The following SHANK2 variants were observed in gnomAD, a reference collection of about 807,000 sequenced individuals.
SHANK2 encodes the protein SH3 and multiple ankyrin repeat domains 2.
In SHANK2, 43 loss-of-function variants were observed where a neutral mutation model predicts 133.7. That is an observed-to-expected ratio of 0.32 (90% CI 0.25 to 0.41). SHANK2 has a LOEUF of 0.41. Ranked by LOEUF, SHANK2 falls within the 10% of genes least tolerant of loss-of-function variation. The probability of loss-of-function intolerance (pLI) is 1.00; values close to 1 mark genes in which losing one functional copy is unlikely to be tolerated. For synonymous variants in SHANK2, 1,017 were observed against 952.8 expected, an observed-to-expected ratio of 1.07 and a Z score of -1.24; for missense variants, 1,994 against 2,235.8, an observed-to-expected ratio of 0.89 and a Z score of 2.18.
intron 10 of SHANK2, among the ~76,000 whole-genome samples, chr11:70,946,463 A>G (rs1262818786): frequency 7.1e-6 from 1 of 140,280 alleles, no homozygotes; most frequent in African/African-American, 2.7e-5. Context: ...CCTCTCCACT[A>G]ACCAACTCTT....
chr11:70,938,334 G>A (rs1347770048), intron 10 of SHANK2, among the ~76,000 whole-genome samples: 1 of 152,054 alleles, frequency 6.6e-6, no homozygotes, highest in African/African-American at 2.4e-5. Flanking sequence ...AGCAAACGAA[G>A]GTAGAACCAC....
At chr11:70,850,088 C>T (rs549938682) in intron 11 of SHANK2, among the ~76,000 whole-genome samples, 1 of 152,142 alleles carries the variant, frequency 6.6e-6, no homozygotes, top group South Asian at 2.1e-4. Context: ...ATGAGTAGAC[C>T]AGTACAGGAT....
chr11:70,718,514 G>T (rs1167709140), intron 14 of SHANK2, among the ~76,000 whole-genome samples: 1 of 152,186 alleles, frequency 6.6e-6, no homozygotes, highest in African/African-American at 2.4e-5. Flanking sequence ...CCATCTGCAA[G>T]GTCACGGCCA....
intron 11 of SHANK2, among the ~76,000 whole-genome samples, chr11:70,856,035 A>G (rs1949165062): frequency 6.6e-6 from 1 of 151,132 alleles, no homozygotes; most frequent in Non-Finnish European, 1.5e-5. Context: ...TGATGGATGG[A>G]TGGATAAATG....
intron 14 of SHANK2, among the ~76,000 whole-genome samples, chr11:70,759,481 CAAAAACA>C (rs1340661602): frequency 1.3e-5 from 2 of 152,090 alleles, no homozygotes; most frequent in Non-Finnish European, 2.9e-5. Context: ...GACTCCATCT[CAAAAACA>C]AAAAACAAAA....
intron 17 of SHANK2, among the ~76,000 whole-genome samples, chr11:70,561,429 T>G (rs1348256291): frequency 6.6e-6 from 1 of 152,008 alleles, no homozygotes; most frequent in Non-Finnish European, 1.5e-5. Context: ...ATCGATTTTC[T>G]CGACGTTGCC....
At position 70,866,517 on chromosome 11, in the gene SHANK2, G is replaced by A. The variant is rs572975519; in HGVS notation, c.1174+29984C>T. Among the ~76,000 whole-genome samples, 4 of 152,300 alleles carry A rather than the reference G, an allele frequency of 2.6e-5. No homozygotes were observed. The East Asian group carries it at 7.7e-4, about 29-fold the overall frequency. ...AGAAGGAGTCCAAGTGTTCTTTTGTGTTGATGTTCCGGAAACTCAAAATTG... is the reference window on the plus strand; with the variant it reads ...AGAAGGAGTCCAAGTGTTCTTTTGTATTGATGTTCCGGAAACTCAAAATTG... On this transcript the variant is annotated intron_variant, in intron 11 of 25. Transcript: ENST00000601538.
At chr11:70,766,303 C>G (rs1342250744) in intron 14 of SHANK2, among the ~76,000 whole-genome samples, 1 of 152,246 alleles carries the variant, frequency 6.6e-6, no homozygotes, top group Non-Finnish European at 1.5e-5. Flanking sequence ...CTGCTGCCCT[C>G]TGTCTTCTTT....
In SHANK2 at chr11:70,472,778, C is replaced by T. The variant is rs2058611994; in HGVS notation, c.*91G>A. 2 of 1,282,808 alleles carry T rather than the reference C, an allele frequency of 1.6e-6. No homozygotes were observed. Among genetic ancestry groups the T allele is most frequent in the Non-Finnish European group, 2.3e-6 (2 of 879,058 alleles). 79.5% of individuals were successfully genotyped at this position (1,282,808 alleles called of 1,614,324 possible). On this transcript the variant is annotated 3_prime_UTR_variant, in exon 26 of 26. Transcript: ENST00000601538. This position sits in a 1 kb window ranked among gnomAD's most constrained non-coding sequence, Gnocchi z 4.4. ...ACAAACCCATGGAGTGGGGTTGATG[C>T]TCACAGACTTCGCTTGGCATTCAGA...
chr11:70,560,492 T>G (rs2059894471), intron 17 of SHANK2, among the ~76,000 whole-genome samples: 1 of 118,282 alleles, frequency 8.5e-6, no homozygotes, highest in Non-Finnish European at 1.7e-5. Context: ...GGTTTTTTTT[T>G]TTTTTTTTTT....
At chr11:70,584,008 G>A (rs1554986111) in intron 17 of SHANK2, among the ~76,000 whole-genome samples, 1 of 152,184 alleles carries the variant, frequency 6.6e-6, no homozygotes, top group Admixed American at 6.5e-5. Flanking sequence ...CACCGTGCAT[G>A]ACTCTGCAGC....
intron 2 of SHANK2, among the ~76,000 whole-genome samples, chr11:71,218,568 T>G (rs991458109): frequency 6.6e-6 from 1 of 152,172 alleles, no homozygotes; most frequent in Non-Finnish European, 1.5e-5. Flanking sequence ...CGGGCTGTTC[T>G]ATTTTTAAAT....
chr11:71,239,930 G>C (rs1288487519), intron 1 of SHANK2, among the ~76,000 whole-genome samples: 3 of 152,202 alleles, frequency 2.0e-5, no homozygotes, highest in African/African-American at 7.2e-5. Flanking sequence ...GCGTCTGCCA[G>C]GTGTCTCAGG....
intron 1 of SHANK2, among the ~76,000 whole-genome samples, chr11:71,242,805 T>G (rs1555124550): frequency 6.6e-6 from 1 of 152,214 alleles, no homozygotes; most frequent in Non-Finnish European, 1.5e-5. Context: ...CGTGGAACAT[T>G]CTCCAGGAGA....
intron 10 of SHANK2, among the ~76,000 whole-genome samples, chr11:70,938,807 C>T (rs1950605226): frequency 6.6e-6 from 1 of 152,118 alleles, no homozygotes; most frequent in East Asian, 1.9e-4. Flanking sequence ...GTTCCACACA[C>T]CTAGAGCATG....
intron 14 of SHANK2, among the ~76,000 whole-genome samples, chr11:70,794,618 T>G (rs1555048729): frequency 6.6e-6 from 1 of 152,194 alleles, no homozygotes. Flanking sequence ...AGTGCAATGG[T>G]GCGACCTTGG....
At chr11:70,688,942 G>A (rs1555020339) in intron 15 of SHANK2, among the ~76,000 whole-genome samples, 1 of 152,202 alleles carries the variant, frequency 6.6e-6, no homozygotes, top group African/African-American at 2.4e-5. Context: ...CCATAGGTAT[G>A]CATGAGAACC....
At chr11:70,862,997 A>G (rs1314971292) in intron 11 of SHANK2, 1 of 305,832 alleles carries the variant, frequency 3.3e-6, no homozygotes, top group Non-Finnish European at 6.4e-6. Flanking sequence ...GACATGGGCT[A>G]AAAGGTGTGA....
Position 71,090,540 on chromosome 11 carries a change from C to CTGTGTGTGTGTGTGTG in SHANK2, c.912+1866_912+1881dup, listed in dbSNP as rs1200226260. ...AGGGCTCTCCAGAGAAACACAACCTCTGTGTGTGTGTGTGTGTGTGTGTGT... is the reference window on the plus strand; with the variant it reads ...AGGGCTCTCCAGAGAAACACAACCTCTGTGTGTGTGTGTGTGTGTGTGTGTGTGTGTGTGTGTGTGT... On this transcript the variant is annotated intron_variant, in intron 8 of 25. Transcript: ENST00000601538. Among the ~76,000 whole-genome samples the CTGTGTGTGTGTGTGTG allele has an allele frequency of 8.5e-4, 3 of 3,520 alleles. 1 individual carries two copies. The highest frequency in any genetic ancestry group is 1.3e-3 in the Non-Finnish European group (2 of 1,552). 2.3% of individuals were successfully genotyped at this position (3,520 alleles called of 152,430 possible). A position where few individuals can be genotyped will look rare whatever the true frequency, so the allele number is the denominator to read the frequency against.
Sources: gnomAD v4.1 joint callset for allele counts (sites outside exome capture counted in the v4.1 genomes callset) on GRCh38, gnomAD v4.1.1 for gene constraint, Gnocchi (gnomAD v3.1) non-coding constraint, MANE v1.5 for transcripts, NCBI Gene and HGNC (gene_info 2026-07-23, HGNC 2026-07-21) for gene names.